The following SPOCD1 variants were observed in gnomAD, a reference collection of about 807,000 sequenced individuals.
SPOCD1 encodes SPOC domain containing 1, also known as SPOC domain-containing protein 1.
A neutral mutation model predicts 92.2 loss-of-function variants in SPOCD1; 64 were observed. The observed-to-expected ratio is 0.69, with a 90% confidence interval of 0.57 to 0.86. The LOEUF is 0.86. Ranked by LOEUF, SPOCD1 falls within the 40% of genes least tolerant of loss-of-function variation. SPOCD1 has a pLI of 0.00. For missense variants in SPOCD1, 1,360 were observed against 1,543.1 expected, an observed-to-expected ratio of 0.88 and a Z score of 1.99; for synonymous variants, 578 against 619.3, an observed-to-expected ratio of 0.93 and a Z score of 0.99.
Position 31,798,404 on chromosome 1 carries a change from C to G in SPOCD1, c.2028+38G>C. The G allele has an allele frequency of 1.3e-6, 2 of 1,592,002 alleles. No individual in the cohort carries two copies. Among genetic ancestry groups the G allele is most frequent in the South Asian group, 2.3e-5 (2 of 87,476 alleles). ...AGCATCCTGCAGGGGCTCTGAGATT[C>G]AGAGAGGGGACGCAGCCCAGCCCAA... On this transcript the variant is annotated intron_variant, in intron 8 of 15. Coordinates refer to ENST00000360482, the MANE Select transcript of SPOCD1 (RefSeq NM_144569.7). The surrounding 1 kb of genome is among the most constrained non-coding windows in gnomAD (Gnocchi z 4.1).
Position 31,798,679 on chromosome 1 carries a change from G to C in SPOCD1, c.1869-78C>G, listed in dbSNP as rs1314904295. ...ACTTAGTCCCAGAGGGAGGCAGCTG[G>C]GTGGGCGGCAGGGTCTGGGCCAACT... On this transcript the variant is annotated intron_variant, in intron 7 of 15. Coordinates refer to ENST00000360482, the MANE Select transcript of SPOCD1 (RefSeq NM_144569.7). This position sits in a 1 kb window ranked among gnomAD's most constrained non-coding sequence, Gnocchi z 4.1. The C allele has an allele frequency of 2.6e-6, 4 of 1,524,366 alleles. No individual in the cohort carries two copies. Among genetic ancestry groups the C allele is most frequent in the Non-Finnish European group, 3.5e-6 (4 of 1,131,074 alleles). 94.4% of individuals were successfully genotyped at this position (1,524,366 alleles called of 1,614,324 possible).
At chr1:31,802,718 G>A (rs1282579838) in intron 2 of SPOCD1, among the ~76,000 whole-genome samples, 3 of 152,116 alleles carry the variant, frequency 2.0e-5, no homozygotes, top group Non-Finnish European at 2.9e-5. Flanking sequence ...CAAAACGAGC[G>A]TGTATTTCTT....
chr1:31,815,151 C>T lies in SPOCD1; in HGVS notation c.183G>A (p.Arg61=). 6.2e-7 allele frequency: 1 copy of T among 1,608,074 alleles called. No homozygotes were observed. ...VRAGSRRKIP[R]KEALRGGSSR... Reference sequence around the variant, plus strand: ...AGCTGCCACCTCGAAGGGCCTCCTTCCTGGGGATCTTCCTTCTGCTGCCAG... The same window carrying T: ...AGCTGCCACCTCGAAGGGCCTCCTTTCTGGGGATCTTCCTTCTGCTGCCAG... Residue 61 remains arginine (R), a synonymous_variant, in exon 2 of 16, where the codon AGG becomes AGA. Transcript: ENST00000360482.
rs1347820928 is a variant in SPOCD1 at position 31,800,720 on chromosome 1, GA to G, written c.1426-104del. 6 of 1,030,990 alleles carry G rather than the reference GA, an allele frequency of 5.8e-6. No individual in the cohort carries two copies. The African/African-American group carries it at 9.7e-5, about 17-fold the overall frequency. The allele number at this position is 1,030,990 out of a possible 1,614,324, so 63.9% of individuals were successfully genotyped here. ...ATTGTTGAACATCTCTCTCCCACTG[GA>G]GTGTAAGCTCCGTGAGGATAGAGAA... On this transcript the variant is annotated intron_variant, in intron 3 of 15. Transcript: ENST00000360482.
At chr1:31,813,700 G>T (rs941538517) in intron 2 of SPOCD1, among the ~76,000 whole-genome samples, 9 of 152,166 alleles carry the variant, frequency 5.9e-5, no homozygotes, top group African/African-American at 2.2e-4. Flanking sequence ...CTAGGAAGTG[G>T]GCAGAGGCAA....
rs773721851 is a variant in SPOCD1 at position 31,814,873 on chromosome 1, G to A, written c.461C>T (p.Ala154Val). ...GAGGCAGCTCACCTCCTCCACTCCT[G>A]CAAGCCTCTCCCTGCAGGCCAGAGC... Reference protein sequence around the residue: ...ERALACRERLAGVEEVSCLRP... With the variant: ...ERALACRERLVGVEEVSCLRP... Residue 154 changes from alanine (A) to valine (V), a missense_variant, in exon 2 of 16, where the codon GCA becomes GTA. Coordinates refer to ENST00000360482, the MANE Select transcript of SPOCD1 (RefSeq NM_144569.7). The surrounding 1 kb of genome is among the most constrained non-coding windows in gnomAD (Gnocchi z 4.2). The A allele has an allele frequency of 2.5e-6, 4 of 1,613,372 alleles. No individual in the cohort carries two copies. The highest frequency in any genetic ancestry group is 1.3e-5 in the African/African-American group (1 of 74,906).
chr1:31,806,386 T>A (rs1648819075), intron 2 of SPOCD1, among the ~76,000 whole-genome samples: 1 of 152,126 alleles, frequency 6.6e-6, no homozygotes, highest in Admixed American at 6.5e-5. Flanking sequence ...TCAACAAATT[T>A]CAAAAGACTT....
At chr1:31,810,354 ATTT>A (rs35691769) in intron 2 of SPOCD1, among the ~76,000 whole-genome samples, 3 of 137,920 alleles carry the variant, frequency 2.2e-5, no homozygotes, top group Non-Finnish European at 3.1e-5. Context: ...TTAGTGTTGA[ATTT>A]TTTTTTTTTT....
chr1:31,798,644 C>A lies in SPOCD1; in HGVS notation c.1869-43G>T, dbSNP rs1284616191. 3 of 1,591,888 alleles carry A rather than the reference C, an allele frequency of 1.9e-6. No individual in the cohort carries two copies. The highest frequency in any genetic ancestry group is 2.7e-5 in the African/African-American group (2 of 74,572). On this transcript the variant is annotated intron_variant, in intron 7 of 15. Transcript: ENST00000360482. The surrounding 1 kb of genome is among the most constrained non-coding windows in gnomAD (Gnocchi z 4.1). ...GGGCGGGGGCACTGAGCCCAGGAGG[C>A]TCTCCAGGCACTTAGTCCCAGAGGG...
In SPOCD1 at chr1:31,791,024, C is replaced by T. The variant is rs550564636; in HGVS notation, c.3230G>A (p.Ser1077Asn). Residue 1077 changes from serine to asparagine, a missense_variant, in exon 16 of 16, where the codon AGT becomes AAT. Around this residue, in one of 3 missense-constraint regions of SPOCD1, gnomAD observed 614 missense variants for 757.8 expected, o/e 0.81. Transcript: ENST00000360482. ...AGCAGAGATTCCCCTTGGAGCTATACTGCCCCTGCCCTGGCTCTGCTGCCA... is the reference window on the plus strand; with the variant it reads ...AGCAGAGATTCCCCTTGGAGCTATATTGCCCCTGCCCTGGCTCTGCTGCCA... The part of the protein sequence containing the change: ...GAWQQSQGRG[S>N]IAPRGISAWQ... 3.2e-5 allele frequency: 52 copies of T among 1,610,518 alleles called. 1 individual carries two copies. In the South Asian group the frequency reaches 5.2e-4, roughly 16 times the overall value.
rs1457968738 is a variant in SPOCD1, at chr1:31,796,339, A to G, written c.2271+251T>C. Reference sequence around the variant, plus strand: ...ATGATGATGGGACTTAATACCACTCATGTGGGGGCCTTGGGGTGAGGCCAA... The same window carrying G: ...ATGATGATGGGACTTAATACCACTCGTGTGGGGGCCTTGGGGTGAGGCCAA... On this transcript the variant is annotated intron_variant, in intron 10 of 15. Transcript: ENST00000360482. 4 of 582,816 alleles carry G rather than the reference A, an allele frequency of 6.9e-6. 1 individual carries two copies. The highest frequency in any genetic ancestry group is 3.8e-5 in the South Asian group (2 of 52,566). The allele number at this position is 582,816 out of a possible 1,614,324, so 36.1% of individuals were successfully genotyped here.
chr1:31,798,704 T>G lies in SPOCD1; in HGVS notation c.1869-103A>C. On this transcript the variant is annotated intron_variant, in intron 7 of 15. Coordinates refer to ENST00000360482, the MANE Select transcript of SPOCD1 (RefSeq NM_144569.7). This position sits in a 1 kb window ranked among gnomAD's most constrained non-coding sequence, Gnocchi z 4.1. ...GGTGGGCGGCAGGGTCTGGGCCAAC[T>G]TGTTCCTGTCGTGGGTGTTTCCCTG... 7.5e-7 allele frequency: 1 copy of G among 1,330,174 alleles called. No individual in the cohort carries two copies. Among genetic ancestry groups the G allele is most frequent in the African/African-American group, 1.5e-5 (1 of 68,522 alleles). 82.4% of individuals were successfully genotyped at this position (1,330,174 alleles called of 1,614,324 possible). A position where few individuals can be genotyped will look rare whatever the true frequency, so the allele number is the denominator to read the frequency against.
intron 3 of SPOCD1, among the ~76,000 whole-genome samples, 195 bp from the exon 4 acceptor site, chr1:31,800,812 G>GA (rs1168851756): frequency 6.6e-6 from 1 of 152,176 alleles, no homozygotes; most frequent in African/African-American, 2.4e-5. Context: ...AGTGTTCAGT[G>GA]AAAGTTTGCT....
At chr1:31,797,064 A>G (rs903932237) in intron 9 of SPOCD1, among the ~76,000 whole-genome samples, 6 of 152,172 alleles carry the variant, frequency 3.9e-5, no homozygotes, top group Non-Finnish European at 8.8e-5. Flanking sequence ...ATTAATAAAG[A>G]TTCATAAGAT....
chr1:31,793,479 TC>T, intron 12 of SPOCD1, 51 bp from the exon 13 acceptor site: 1 of 1,549,346 alleles, frequency 6.5e-7, no homozygotes, highest in East Asian at 2.4e-5. Context: ...CATGAGGACT[TC>T]CCCGGCACCT....
Position 31,815,987 on chromosome 1 carries a change from G to A in SPOCD1, c.-66C>T, listed in dbSNP as rs1385062261. The A allele has an allele frequency of 6.6e-6, 1 of 152,370 alleles. No homozygotes were observed. Among genetic ancestry groups the A allele is most frequent in the Non-Finnish European group, 1.5e-5 (1 of 68,164 alleles). The allele number at this position is 152,370 out of a possible 1,614,324, so 9.4% of individuals were successfully genotyped here. A position where few individuals can be genotyped will look rare whatever the true frequency, so the allele number is the denominator to read the frequency against. ...TGGGCTTCCCTGAGTTTTCCCTCCT[G>A]GGGTTCCACCCACTAGCTGAAAAGG... On this transcript the variant is annotated 5_prime_UTR_variant, in exon 1 of 16. Transcript: ENST00000360482.
chr1:31,808,384 A>C (rs998894637), intron 2 of SPOCD1, among the ~76,000 whole-genome samples: 1 of 151,522 alleles, frequency 6.6e-6, no homozygotes, highest in Non-Finnish European at 1.5e-5. Flanking sequence ...AATAAATTCG[A>C]AGATAAAAAT....
intron 10 of SPOCD1, chr1:31,794,498 TTTC>T (rs199987934): frequency 0.3 from 62,494 of 211,706 alleles, 7,715 homozygotes; most frequent in South Asian, 0.43. Flanking sequence ...TTTTTTTTCT[TTTC>T]TTTTTTTTTT....
intron 10 of SPOCD1, chr1:31,794,464 G>T: frequency 5.1e-6 from 2 of 391,908 alleles, no homozygotes; most frequent in South Asian, 9.4e-5. Flanking sequence ...TGATATCCTG[G>T]GTATTCCTTT....
Sources: gnomAD v4.1 joint callset for allele counts (sites outside exome capture counted in the v4.1 genomes callset) on GRCh38, gnomAD v4.1.1 for gene constraint, gnomAD v4.1.1 regional missense constraint, Gnocchi (gnomAD v3.1) non-coding constraint, MANE v1.5 for transcripts, NCBI Gene and HGNC (gene_info 2026-07-23, HGNC 2026-07-21) for gene names.